Variants in FGD5 observed in about 807,000 individuals in gnomAD.
The protein encoded by FGD5 is FYVE, RhoGEF and PH domain-containing protein 5.
In FGD5, 28 loss-of-function variants were observed where a neutral mutation model predicts 133.4. The ratio of observed to expected loss-of-function variants is 0.21; its 90% confidence interval spans 0.16 to 0.29. The LOEUF (loss-of-function observed/expected upper bound fraction) is 0.29. Among genes scored for constraint, FGD5 ranks in the 10% least tolerant of loss-of-function variants. FGD5 has a pLI of 1.00. For synonymous variants in FGD5, 810 were observed against 776.5 expected (o/e 1.04, Z -0.72); for missense variants, 1,858 against 1,895.2 (o/e 0.98, Z 0.36).
intron 4 of FGD5, among the ~76,000 whole-genome samples, chr3:14,895,198 T>G (rs1487131589): frequency 6.6e-6 from 1 of 152,226 alleles, no homozygotes; most frequent in Admixed American, 6.5e-5. Context: ...TGCAGAAACT[T>G]TTTAGACTGA....
intron 4 of FGD5, among the ~76,000 whole-genome samples, chr3:14,894,734 C>G (rs1012144233): frequency 4.1e-5 from 6 of 146,752 alleles, no homozygotes; most frequent in Non-Finnish European, 8.9e-5. Flanking sequence ...TGGTCTTGAA[C>G]TCCTGGCCTC....
In FGD5 at chr3:14,819,788, G is replaced by C. The variant is rs746251582; in HGVS notation, c.717G>C (p.Thr239=). 1.3e-6 allele frequency: 2 copies of C among 1,566,100 alleles called. No homozygotes were observed. Among genetic ancestry groups the C allele is most frequent in the Non-Finnish European group, 1.7e-6 (2 of 1,155,438 alleles). ...ADEGSGPDRP[T]EDMGQDAEDT... ...AGGGTTCGGGTCCTGACAGGCCCAC[G>C]GAGGACATGGGACAGGATGCTGAGG... The change falls in exon 1 of 20, where the codon ACG becomes ACC. Residue 239 remains threonine (T), a synonymous_variant. Coordinates refer to ENST00000285046, the MANE Select transcript of FGD5 (RefSeq NM_152536.4). This position sits in a 1 kb window ranked among gnomAD's most constrained non-coding sequence, Gnocchi z 4.1.
intron 1 of FGD5, among the ~76,000 whole-genome samples, chr3:14,849,921 CTGTG>C (rs2037125621): frequency 6.6e-6 from 1 of 151,986 alleles, no homozygotes; most frequent in African/African-American, 2.4e-5. Flanking sequence ...CTGGCTGTGT[CTGTG>C]TGGAAGGGAG....
chr3:14,858,079 G>A (rs1253536597), intron 1 of FGD5, among the ~76,000 whole-genome samples: 1 of 152,188 alleles, frequency 6.6e-6, no homozygotes, highest in African/African-American at 2.4e-5. Context: ...ACAGTGCAAA[G>A]TGCTGGTGAA....
intron 4 of FGD5, among the ~76,000 whole-genome samples, chr3:14,885,830 T>C (rs2037915917): frequency 6.6e-6 from 1 of 152,184 alleles, no homozygotes; most frequent in Admixed American, 6.5e-5. Context: ...GGAGGGGACA[T>C]AGTCTCTCCT....
chr3:14,922,921 T>C lies in FGD5; in HGVS notation c.3808-125T>C. On this transcript the variant is annotated intron_variant, in intron 15 of 19. Transcript: ENST00000285046. This position sits in a 1 kb window ranked among gnomAD's most constrained non-coding sequence, Gnocchi z 4.1. ...AAAGTAGGGGACACGCACAGCTCCA[T>C]GATCAGAACCTGGGGCTCCCTAGGG... The C allele has an allele frequency of 1.5e-6, 2 of 1,358,650 alleles. No individual in the cohort carries two copies. Among genetic ancestry groups the C allele is most frequent in the South Asian group, 2.5e-5 (2 of 78,600 alleles). The allele number at this position is 1,358,650 out of a possible 1,614,324, so 84.2% of individuals were successfully genotyped here.
At chr3:14,870,436 G>A (rs1187842614) in intron 2 of FGD5, among the ~76,000 whole-genome samples, 2 of 152,114 alleles carry the variant, frequency 1.3e-5, no homozygotes, top group Non-Finnish European at 2.9e-5. Context: ...GCTCCCTTCC[G>A]CCGTCCACTT....
intron 1 of FGD5, among the ~76,000 whole-genome samples, chr3:14,832,031 G>A (rs539489467): frequency 1.3e-5 from 2 of 152,260 alleles, no homozygotes; most frequent in East Asian, 3.9e-4. Context: ...CAGAGAGGCA[G>A]CATGGCACAG....
At chr3:14,863,514 C>T (rs1470551563) in intron 1 of FGD5, among the ~76,000 whole-genome samples, 2 of 152,174 alleles carry the variant, frequency 1.3e-5, no homozygotes, top group Admixed American at 1.3e-4. Flanking sequence ...TTACTGGCAA[C>T]GCCTGTGGAG....
intron 9 of FGD5, among the ~76,000 whole-genome samples, chr3:14,906,388 A>G (rs971439003): frequency 1.3e-5 from 2 of 152,198 alleles, no homozygotes; most frequent in African/African-American, 4.8e-5. Context: ...ACTGGGTCCA[A>G]GGGGTTATCG....
At chr3:14,822,195 T>G (rs1458187102) in intron 1 of FGD5, among the ~76,000 whole-genome samples, 1 of 152,204 alleles carries the variant, frequency 6.6e-6, no homozygotes, top group African/African-American at 2.4e-5. Context: ...ACGGTACATG[T>G]GAAAGCATTT....
intron 1 of FGD5, among the ~76,000 whole-genome samples, chr3:14,848,587 G>A (rs2037099875): frequency 1.3e-5 from 2 of 152,186 alleles, no homozygotes; most frequent in Admixed American, 1.3e-4. Flanking sequence ...TCCTTAAGAA[G>A]TGTGTGAAAA....
chr3:14,812,001 G>GGTGTGT (rs10644004), intron 1 of FGD5, among the ~76,000 whole-genome samples: 188 of 145,662 alleles, frequency 1.3e-3, no homozygotes, highest in African/African-American at 3.8e-3. Context: ...ATATCCTGCT[G>GGTGTGT]GTGTGTGTGT....
chr3:14,819,228 A>G lies in FGD5; in HGVS notation c.157A>G (p.Ile53Val), dbSNP rs777243314. ...GGGGCTTGATGAGGGGCCCCGGTCC[A>G]TCCCAAAGTGCTCTGAGTCGGAGAC... ...DRGLDEGPRS[I>V]PKCSESETDE... Residue 53 changes from isoleucine to valine, a missense_variant, in exon 1 of 20, where the codon ATC becomes GTC. By Grantham distance (29) the Ile-to-Val change is conservative. This residue lies in a region of FGD5 where 1,824 missense variants were observed against 1,848.9 expected (regional missense o/e 0.99). Coordinates refer to ENST00000285046, the MANE Select transcript of FGD5 (RefSeq NM_152536.4). This position sits in a 1 kb window ranked among gnomAD's most constrained non-coding sequence, Gnocchi z 4.1. The G allele has an allele frequency of 1.7e-5, 27 of 1,546,482 alleles. No homozygotes were observed. In the Middle Eastern group the frequency reaches 5.0e-4, roughly 29 times the overall value.
At chr3:14,846,420 A>G (rs1298381651) in intron 1 of FGD5, among the ~76,000 whole-genome samples, 1 of 152,174 alleles carries the variant, frequency 6.6e-6, no homozygotes, top group Non-Finnish European at 1.5e-5. Context: ...CTGTCCTGGC[A>G]TGTGGGGAGA....
In FGD5 at chr3:14,820,525, A is replaced by G; in HGVS notation, c.1454A>G (p.His485Arg). ...AACACCAGCACGAGGGTCCGGCCCCACTCTGGGAAGGTGGCCGGCTATGTC... is the reference window on the plus strand; with the variant it reads ...AACACCAGCACGAGGGTCCGGCCCCGCTCTGGGAAGGTGGCCGGCTATGTC... ...RKNTSTRVRP[H>R]SGKVAGYVPE... Residue 485 changes from histidine to arginine, a missense_variant, in exon 1 of 20, where the codon CAC becomes CGC. Physicochemically the swap from His to Arg is conservative, Grantham distance 29. This residue lies in a region of FGD5 where 1,824 missense variants were observed against 1,848.9 expected (regional missense o/e 0.99). Transcript: ENST00000285046. 1.2e-6 allele frequency: 2 copies of G among 1,613,706 alleles called. No homozygotes were observed. Among genetic ancestry groups the G allele is most frequent in the Non-Finnish European group, 1.7e-6 (2 of 1,179,792 alleles).
At chr3:14,903,086 G>A (rs1575245557) in intron 9 of FGD5, among the ~76,000 whole-genome samples, 1 of 152,098 alleles carries the variant, frequency 6.6e-6, no homozygotes, top group Non-Finnish European at 1.5e-5. Context: ...CAGTTTGGAG[G>A]TATTAAGTAC....
chr3:14,915,121 C>A (rs2038527277), intron 11 of FGD5, among the ~76,000 whole-genome samples: 1 of 152,224 alleles, frequency 6.6e-6, no homozygotes, highest in African/African-American at 2.4e-5. Context: ...CATACCTGGC[C>A]CCTACAGGAC....
intron 7 of FGD5, 102 bp from the exon 8 acceptor site, chr3:14,900,301 C>A: frequency 8.5e-7 from 1 of 1,176,854 alleles, no homozygotes; most frequent in Non-Finnish European, 1.2e-6. Flanking sequence ...AGGGTGGATG[C>A]TTCATTCTTC....
Sources: allele counts gnomAD v4.1 joint callset (sites outside exome capture counted in the v4.1 genomes callset), GRCh38; gene constraint gnomAD v4.1.1; regional missense constraint gnomAD v4.1.1; non-coding constraint Gnocchi (gnomAD v3.1); transcripts MANE v1.5; gene names NCBI Gene and HGNC (gene_info 2026-07-23, HGNC 2026-07-21).